Variants in CCDC32 observed in about 807,000 individuals in gnomAD.
The protein encoded by CCDC32 is coiled-coil domain containing 32, also known as coiled-coil domain-containing protein 32.
In CCDC32, 9 loss-of-function variants were observed where a neutral mutation model predicts 20.1. The observed-to-expected ratio is 0.45, with a 90% CI of 0.27 to 0.78. CCDC32 has a LOEUF of 0.78. CCDC32 is among the 30% of genes least tolerant of loss of function. The pLI is 0.16. For missense variants in CCDC32, 204 were observed against 215.5 expected (o/e 0.95, Z 0.33); for synonymous variants, 63 against 79.0 (o/e 0.80, Z 1.07).
At chr15:40,545,749 T>C (rs1360603022) in intron 3 of CCDC32, among the ~76,000 whole-genome samples, 2 of 152,158 alleles carry the variant, frequency 1.3e-5, no homozygotes, top group African/African-American at 4.8e-5. Context: ...CACCCACTAC[T>C]ACCTGCTGAG....
rs1566979602 is a variant in CCDC32, at chr15:40,539,877, CACA to C, written c.402-525_402-523del. 1.6e-4 allele frequency among the ~76,000 whole-genome samples: 24 copies of C among 151,684 alleles called. 1 individual carries two copies. In the South Asian group the frequency reaches 1.7e-3, roughly 11 times the overall value. On this transcript the variant is annotated intron_variant, in intron 3 of 3. Transcript: ENST00000558113. ...ACACACACACACACACACACACACA[CACA>C]CCCCGCTCCTTGCCCTTGATTCCAT...
chr15:40,562,421 A>G (rs556624201), intron 2 of CCDC32, among the ~76,000 whole-genome samples: 3 of 152,172 alleles, frequency 2.0e-5, no homozygotes, highest in South Asian at 2.1e-4. Context: ...TCTACTAAAA[A>G]TACAAAAAAT....
intron 1 of CCDC32, among the ~76,000 whole-genome samples, chr15:40,563,677 AACAC>A (rs59483012): frequency 0.25 from 32,991 of 129,552 alleles, 4,443 homozygotes; most frequent in East Asian, 0.65. Flanking sequence ...CATATATTTT[AACAC>A]ACACACACAC....
chr15:40,528,939 C>T (rs1894934835), intron 3 of CCDC32: 2 of 577,506 alleles, frequency 3.5e-6, no homozygotes, highest in Non-Finnish European at 6.1e-6. Flanking sequence ...GTATTCAGCG[C>T]TCAGCATTCT....
chr15:40,554,352 C>G (rs527891942), intron 3 of CCDC32, among the ~76,000 whole-genome samples: 1 of 152,268 alleles, frequency 6.6e-6, no homozygotes, highest in African/African-American at 2.4e-5. Context: ...TGACTACAGG[C>G]AGCAGCAGGC....
downstream of CCDC32, among the ~76,000 whole-genome samples, chr15:40,533,401 G>A (rs887045375): frequency 2.6e-5 from 4 of 152,044 alleles, no homozygotes; most frequent in Admixed American, 2.0e-4. Flanking sequence ...CCAGGCTGGA[G>A]TGCAGTGGCG....
chr15:40,535,157 A>G, downstream of CCDC32: 2 of 1,107,498 alleles, frequency 1.8e-6, no homozygotes, highest in African/African-American at 1.6e-5. Context: ...CATCAGGAAG[A>G]TTAACGTGAC....
rs1890060424 is a variant in CCDC32 at position 40,553,978 on chromosome 15, TCTG to T, written c.548_550del (p.Ala183del). Reference sequence around the variant, plus strand: ...TGTGTGTGTGTGTGTAATTTACTGTTCTGCTGCTGCTGGCTTGTCCCCGGCTGC... The same window carrying T: ...TGTGTGTGTGTGTGTAATTTACTGTTCTGCTGCTGGCTTGTCCCCGGCTGC... On this transcript the variant is annotated inframe_deletion, in exon 4 of 4. Coordinates refer to ENST00000416810, the MANE Select transcript of CCDC32 (RefSeq NM_001080792.4). The T allele has an allele frequency of 2.5e-6, 4 of 1,604,864 alleles. No individual in the cohort carries two copies. Among genetic ancestry groups the T allele is most frequent in the South Asian group, 1.1e-5 (1 of 90,584 alleles).
At chr15:40,526,186 C>CT (rs1277334085), downstream of CCDC32, among the ~76,000 whole-genome samples, 3 of 152,204 alleles carry the variant, frequency 2.0e-5, no homozygotes, top group Non-Finnish European at 4.4e-5. Flanking sequence ...ACAGTGGTTA[C>CT]TGTCCTTCCA....
chr15:40,525,185 G>A (rs1595880987), downstream of CCDC32, among the ~76,000 whole-genome samples: 1 of 152,226 alleles, frequency 6.6e-6, no homozygotes, highest in East Asian at 1.9e-4. Context: ...CTGCCACTGT[G>A]CTTGGCTAAT....
downstream of CCDC32, chr15:40,538,985 A>G: frequency 2.0e-6 from 1 of 505,774 alleles, no homozygotes; most frequent in South Asian, 2.1e-5. Context: ...GCTGGTGACC[A>G]GCCTGTCCCT....
intron 3 of CCDC32, among the ~76,000 whole-genome samples, chr15:40,554,671 C>G (rs1890118701): frequency 6.6e-6 from 1 of 151,910 alleles, no homozygotes; most frequent in Non-Finnish European, 1.5e-5. Flanking sequence ...ATAAAAACAT[C>G]TGAGCAGCAA....
chr15:40,531,714 A>G (rs1285841968), downstream of CCDC32: 1 of 152,134 alleles, frequency 6.6e-6, no homozygotes, highest in Non-Finnish European at 1.5e-5. Flanking sequence ...TCCTGAGCTC[A>G]AGCAATCCTC....
At chr15:40,528,689 T>C in exon 4 of CCDC32, 1 of 681,604 alleles carries the variant, frequency 1.5e-6, no homozygotes, top group South Asian at 1.6e-5. Flanking sequence ...TTGGAGTTGA[T>C]TATATGGGTG....
downstream of CCDC32, chr15:40,535,444 T>A (rs754733426): frequency 7.1e-6 from 7 of 992,862 alleles, no homozygotes; most frequent in African/African-American, 1.7e-5. Context: ...TTCTCTCATT[T>A]GATCTAGGGT....
chr15:40,544,760 C>G (rs1448502148), intron 3 of CCDC32, among the ~76,000 whole-genome samples: 2 of 151,742 alleles, frequency 1.3e-5, no homozygotes, highest in Non-Finnish European at 1.5e-5. Flanking sequence ...CCTTGGAAAA[C>G]TTTCCAGAGT....
Position 40,553,195 on chromosome 15 carries a change from G to A in CCDC32, c.*776C>T. 1.0e-6 allele frequency: 1 copy of A among 985,442 alleles called. No individual in the cohort carries two copies. Among genetic ancestry groups the A allele is most frequent in the Non-Finnish European group, 1.2e-6 (1 of 829,966 alleles). The allele number at this position is 985,442 out of a possible 1,614,324, so 61.0% of individuals were successfully genotyped here. On this transcript the variant is annotated 3_prime_UTR_variant, in exon 4 of 4. Transcript: ENST00000416810. ...GCTCAGCCAGGAAACCTGCCACAAGGAAGATGTTTGGAACTATCCAGGAGT... is the reference window on the plus strand; with the variant it reads ...GCTCAGCCAGGAAACCTGCCACAAGAAAGATGTTTGGAACTATCCAGGAGT...
intron 3 of CCDC32, among the ~76,000 whole-genome samples, chr15:40,539,774 C>T (rs951079817): frequency 2.6e-5 from 4 of 151,518 alleles, no homozygotes; most frequent in African/African-American, 7.3e-5. Flanking sequence ...CAGGCTGTTC[C>T]TCTGGCTGGA....
downstream of CCDC32, chr15:40,536,255 GCT>G (rs1889104095): frequency 6.6e-6 from 1 of 152,334 alleles, no homozygotes; most frequent in Non-Finnish European, 1.5e-5. Flanking sequence ...TTAAGACTGT[GCT>G]CTGTTCCACA....
Sources: allele counts gnomAD v4.1 joint callset (sites outside exome capture counted in the v4.1 genomes callset), GRCh38; gene constraint gnomAD v4.1.1; transcripts MANE v1.5; gene names NCBI Gene and HGNC (gene_info 2026-07-23, HGNC 2026-07-21).